SOX6: variants seen among roughly 807,000 people sequenced by gnomAD.
SOX6 encodes SRY-box transcription factor 6.
SOX6 carries 11 observed loss-of-function variants against 97.8 expected under a neutral mutation model. The observed-to-expected ratio is 0.11, with a 90% CI of 0.07 to 0.19. The LOEUF (loss-of-function observed/expected upper bound fraction) is 0.19. SOX6 is among the 10% of genes least tolerant of loss of function. The probability of loss-of-function intolerance (pLI) is 1.00; values close to 1 mark genes in which losing one functional copy is unlikely to be tolerated. For missense variants in SOX6, 810 were observed against 1,039.5 expected (o/e 0.78, Z 3.04); for synonymous variants, 360 against 371.4 (o/e 0.97, Z 0.35).
At chr11:16,283,824 T>G in intron 3 of SOX6, 4 of 358,330 alleles carry the variant, frequency 1.1e-5, no homozygotes, top group Non-Finnish European at 2.2e-5. Flanking sequence ...TTTCAGTTAC[T>G]TTTTAAAAAG....
rs1298749934 is a variant in SOX6 at position 16,050,240 on chromosome 11, C to T, written c.1252-302G>A. Among the ~76,000 whole-genome samples the T allele has an allele frequency of 2.6e-5, 4 of 152,148 alleles. No homozygotes were observed. The East Asian group carries it at 7.7e-4, about 29-fold the overall frequency. ...ATGTGTTTTCAGGGATCTAAATTAA[C>T]CTAGGGCATTTACAAAGAATTATTT... is the stretch of plus-strand genomic sequence containing the variant. On this transcript the variant is annotated intron_variant, in intron 10 of 15. Transcript: ENST00000683767.
intron 2 of SOX6, among the ~76,000 whole-genome samples, chr11:16,328,388 A>G (rs1013914882): frequency 1.1e-4 from 17 of 152,212 alleles, no homozygotes; most frequent in African/African-American, 3.6e-4. Flanking sequence ...CACAATAGCA[A>G]AAACAACCAA....
chr11:16,046,840 T>A, intron 11 of SOX6, 139 bp from the exon 12 acceptor site: 1 of 883,190 alleles, frequency 1.1e-6, no homozygotes, highest in Non-Finnish European at 1.8e-6. Context: ...AACTATACGC[T>A]AATATACATA....
chr11:16,120,957 AATCTTCTTCAGGT>A (rs147197364), intron 6 of SOX6, among the ~76,000 whole-genome samples: 14,173 of 152,116 alleles, frequency 0.093, 884 homozygotes, highest in Non-Finnish European at 0.14. Context: ...ATGTTTTAAA[AATCTTCTTCAGGT>A]ATATATTCTG....
At chr11:16,215,112 C>T (rs6486280) in intron 4 of SOX6, among the ~76,000 whole-genome samples, 145,903 of 152,224 alleles carry the variant, frequency 0.96, 70,211 homozygotes, top group East Asian at 1. Flanking sequence ...ATAATAATGT[C>T]CTCTATATAT....
At chr11:16,375,824 C>G (rs544465245) in intron 1 of SOX6, among the ~76,000 whole-genome samples, 23 of 152,176 alleles carry the variant, frequency 1.5e-4, no homozygotes, top group African/African-American at 4.8e-4. Flanking sequence ...AAATGTGGCA[C>G]ATATACACCA....
At chr11:16,405,040 T>A (rs1030372604) in intron 1 of SOX6, among the ~76,000 whole-genome samples, 1 of 151,974 alleles carries the variant, frequency 6.6e-6, no homozygotes, top group Non-Finnish European at 1.5e-5. Context: ...TTACTTAGAT[T>A]AATCGGAGGC....
chr11:16,091,550 C>T (rs1339101660), intron 9 of SOX6, among the ~76,000 whole-genome samples: 1 of 152,074 alleles, frequency 6.6e-6, no homozygotes, highest in Non-Finnish European at 1.5e-5. Context: ...TGCTGATGGG[C>T]ACTTCTTTAC....
intron 3 of SOX6, among the ~76,000 whole-genome samples, chr11:16,239,632 G>T (rs565187592): frequency 6.6e-6 from 1 of 151,934 alleles, no homozygotes; most frequent in African/African-American, 2.4e-5. Flanking sequence ...ACTATATTCC[G>T]TCCTATTTTT....
intron 1 of SOX6, among the ~76,000 whole-genome samples, chr11:16,363,429 T>C (rs528918536): frequency 6.6e-6 from 1 of 152,258 alleles, no homozygotes; most frequent in South Asian, 2.1e-4. Context: ...ATCCAATATC[T>C]GCAAATATTC....
intron 3 of SOX6, among the ~76,000 whole-genome samples, chr11:16,250,075 C>T (rs1853461750): frequency 6.6e-6 from 1 of 152,118 alleles, no homozygotes; most frequent in South Asian, 2.1e-4. Context: ...GTCCCCAACC[C>T]CTGGGCCATG....
At chr11:16,559,938 C>T (rs1001684237) in intron 4 of SOX6, among the ~76,000 whole-genome samples, 5 of 151,928 alleles carry the variant, frequency 3.3e-5, no homozygotes, top group African/African-American at 4.8e-5. Flanking sequence ...TTAATTAAAC[C>T]AAATGTTTGA....
intron 6 of SOX6, among the ~76,000 whole-genome samples, chr11:16,160,490 C>T (rs1201198869): frequency 6.6e-6 from 1 of 152,090 alleles, no homozygotes; most frequent in Non-Finnish European, 1.5e-5. Context: ...ACCATAATGA[C>T]TTATCTTAAA....
At chr11:16,199,045 A>C (rs2134124362) in intron 4 of SOX6, among the ~76,000 whole-genome samples, 2 of 152,338 alleles carry the variant, frequency 1.3e-5, no homozygotes, top group South Asian at 4.2e-4. Flanking sequence ...GTGCTCAGTA[A>C]ATTTGAAATG....
rs78703953 is a variant in SOX6 at position 16,141,482 on chromosome 11, A to T, written c.778-29559T>A. Among the ~76,000 whole-genome samples, 8 of 152,262 alleles carry T rather than the reference A, an allele frequency of 5.3e-5. No homozygotes were observed. The East Asian group carries it at 1.6e-3, about 30-fold the overall frequency. On this transcript the variant is annotated intron_variant, in intron 6 of 15. Coordinates refer to ENST00000683767, the MANE Select transcript of SOX6 (RefSeq NM_001367873.1). The stretch of plus-strand genomic sequence containing the variant: ...TTTCTGCATTTCCAACTGAGGTACC[A>T]GGTTCATCTCACTGGGGCTTGTCGG...
intron 15 of SOX6, among the ~76,000 whole-genome samples, chr11:15,983,455 T>C (rs1853733213): frequency 6.6e-6 from 1 of 152,146 alleles, no homozygotes; most frequent in African/African-American, 2.4e-5. Context: ...GCTTGAAAGT[T>C]ATGCATGTCT....
chr11:16,129,633 T>G (rs1849691933), intron 6 of SOX6, among the ~76,000 whole-genome samples: 1 of 152,112 alleles, frequency 6.6e-6, no homozygotes, highest in Admixed American at 6.6e-5. Context: ...GAACGCAAGG[T>G]TGGTTTCAAC....
At chr11:16,185,962 C>A (rs1042475175) in intron 5 of SOX6, among the ~76,000 whole-genome samples, 4 of 152,092 alleles carry the variant, frequency 2.6e-5, no homozygotes, top group Non-Finnish European at 5.9e-5. Context: ...GTAATAATGT[C>A]AGATTCCTAA....
At chr11:16,072,211 T>C (rs7128226) in intron 9 of SOX6, among the ~76,000 whole-genome samples, 3,655 of 152,154 alleles carry the variant, frequency 0.024, 147 homozygotes, top group African/African-American at 0.083. Context: ...AATAAAATGA[T>C]ACAAGAGATA....
Sources: allele counts gnomAD v4.1 joint callset (sites outside exome capture counted in the v4.1 genomes callset), GRCh38; gene constraint gnomAD v4.1.1; transcripts MANE v1.5; gene names NCBI Gene and HGNC (gene_info 2026-07-23, HGNC 2026-07-21).